Variants in WDR87 observed in about 807,000 individuals in gnomAD.
WDR87 encodes WD repeat-containing protein 87.
WDR87 carries 56 observed loss-of-function variants against 83.3 expected under a neutral mutation model. That is an observed-to-expected ratio of 0.67 (90% CI 0.54 to 0.84). WDR87 has a LOEUF of 0.84. Among genes scored for constraint, WDR87 ranks in the 40% least tolerant of loss-of-function variants. The pLI is 0.00. For missense variants in WDR87, 2,939 were observed against 3,431.9 expected, an observed-to-expected ratio of 0.86 and a Z score of 3.59; for synonymous variants, 1,173 against 1,250.6, an observed-to-expected ratio of 0.94 and a Z score of 1.31.
chr19:37,898,045 A>G, intron 2 of WDR87, 120 bp downstream of exon 2: 1 of 1,173,892 alleles, frequency 8.5e-7, no homozygotes, highest in Non-Finnish European at 1.2e-6. Context: ...GGTGGTGACT[A>G]TAGTATACCC....
chr19:37,885,910 T>A lies in WDR87; in HGVS notation c.7761A>T (p.Arg2587Ser). The A allele has an allele frequency of 1.3e-6, 2 of 1,552,300 alleles. No individual in the cohort carries two copies. Among genetic ancestry groups the A allele is most frequent in the Non-Finnish European group, 1.7e-6 (2 of 1,147,136 alleles). The change falls in exon 6 of 6, where the codon AGA becomes AGT. Residue 2587 changes from arginine (R) to serine (S), a missense_variant. Transcript: ENST00000447313. Reference sequence around the variant, plus strand: ...CAAGGTCTTTGAGCAGCTGGCACAGTCTATGGAAACCATCCCTGGAAAGCT... The same window carrying A: ...CAAGGTCTTTGAGCAGCTGGCACAGACTATGGAAACCATCCCTGGAAAGCT... Reference protein sequence around the residue: ...GEQLSRDGFHRLCQLLKDLAS... With the variant: ...GEQLSRDGFHSLCQLLKDLAS...
rs187534089 is a variant in WDR87 at position 37,901,954 on chromosome 19, G to A, written c.-46-3669C>T. ...TGGTCTCGAACTCCTGGGCTCAAGC[G>A]ATCCACCTGCCTCAGCCTCCCAAAG... On this transcript the variant is annotated intron_variant, in intron 1 of 5. Transcript: ENST00000447313. Among the ~76,000 whole-genome samples the A allele has an allele frequency of 5.3e-3, 805 of 151,944 alleles. 9 individuals carry two copies. Among genetic ancestry groups the A allele is most frequent in the African/African-American group, 0.019 (771 of 41,420 alleles).
Position 37,894,913 on chromosome 19 carries a change from C to T in WDR87, c.790G>A (p.Glu264Lys). 6.4e-7 allele frequency: 1 copy of T among 1,551,696 alleles called. No individual in the cohort carries two copies. Among genetic ancestry groups the T allele is most frequent in the Non-Finnish European group, 8.7e-7 (1 of 1,147,002 alleles). The change falls in exon 4 of 6, where the codon GAA becomes AAA. Residue 264 changes from glutamate to lysine, a missense_variant. Physicochemically the swap from Glu to Lys is moderately conservative, Grantham distance 56. Transcript: ENST00000447313. ...TGCTGGAGGCTCCAAACTTGGATTT[C>T]CCCAGCTTGGTTTCCAGCATAGAGA... ...GFLYAGNQAGEIQVWSLQQGH... is the reference protein window; with the variant it reads ...GFLYAGNQAGKIQVWSLQQGH...
chr19:37,896,264 G>A lies in WDR87; in HGVS notation c.120C>T (p.Asp40=). Residue 40 remains aspartate, a synonymous_variant, in exon 3 of 6, where the codon GAC becomes GAT. Transcript: ENST00000447313. ...DPKNCLIVLS[D]RSQVLFKESR... Reference sequence around the variant, plus strand: ...ACTCTTTGAACAGTACCTGGGACCGGTCACTCAGCACAATCAGGCAGTTCT... The same window carrying A: ...ACTCTTTGAACAGTACCTGGGACCGATCACTCAGCACAATCAGGCAGTTCT... 6.4e-7 allele frequency: 1 copy of A among 1,552,002 alleles called. No individual in the cohort carries two copies.
In WDR87 at chr19:37,885,436, C is replaced by T. The variant is rs544946317; in HGVS notation, c.8235G>A (p.Leu2745=). Residue 2745 remains leucine, a synonymous_variant, in exon 6 of 6, where the codon CTG becomes CTA. Transcript: ENST00000447313. ...DFKDKRRFPK[L]PKLEKKTQPI... ...GCTGTGTCTTCTTCTCTAACTTGGG[C>T]AGTTTAGGAAACCTGCGTTTATCCT... 2 of 1,551,700 alleles carry T rather than the reference C, an allele frequency of 1.3e-6. No individual in the cohort carries two copies. Among genetic ancestry groups the T allele is most frequent in the East Asian group, 2.4e-5 (1 of 40,926 alleles).
At position 37,895,334 on chromosome 19, in the gene WDR87, G is replaced by GACC; in HGVS notation, c.366_368dup (p.Val123dup). The GACC allele has an allele frequency of 1.3e-6, 2 of 1,551,500 alleles. No homozygotes were observed. Among genetic ancestry groups the GACC allele is most frequent in the Non-Finnish European group, 1.7e-6 (2 of 1,147,002 alleles). On this transcript the variant is annotated inframe_insertion, in exon 4 of 6. Transcript: ENST00000447313. ...GTCGCAGGATCAGGTCACCACAGTA[G>GACC]ACCACGAGGATATGAAAGGAGCCTG...
intron 1 of WDR87, among the ~76,000 whole-genome samples, chr19:37,905,813 C>CA (rs1241722802): frequency 6.6e-5 from 10 of 152,100 alleles, no homozygotes; most frequent in African/African-American, 2.4e-4. Flanking sequence ...CTCGGTGGCT[C>CA]AAAGTGCAGG....
Position 37,887,158 on chromosome 19 carries a change from C to A in WDR87, c.6513G>T (p.Leu2171=). The change falls in exon 6 of 6, where the codon CTG becomes CTT. Residue 2171 remains leucine (L), a synonymous_variant. Coordinates refer to ENST00000447313, the MANE Select transcript of WDR87 (RefSeq NM_001291088.2). ...EWDFSEKRSE[L]TKDEKKLARK... ...GAGCCAGTTTCTTCTCATCTTTAGT[C>A]AGTTCTGATCGTTTTTCAGAAAAAT... 1.3e-6 allele frequency: 2 copies of A among 1,551,428 alleles called. No individual in the cohort carries two copies. Among genetic ancestry groups the A allele is most frequent in the Non-Finnish European group, 1.7e-6 (2 of 1,147,002 alleles).
chr19:37,896,011 G>C (rs2046252636), intron 3 of WDR87, 127 bp downstream of exon 3: 1 of 1,250,362 alleles, frequency 8.0e-7, no homozygotes, highest in African/African-American at 1.5e-5. Flanking sequence ...GAAAGGATGA[G>C]GAGAGATTTC....
chr19:37,902,704 T>C (rs2046300713), intron 1 of WDR87, among the ~76,000 whole-genome samples: 1 of 152,170 alleles, frequency 6.6e-6, no homozygotes, highest in Admixed American at 6.5e-5. Context: ...CACTGTAAGG[T>C]ACAGCATTAG....
chr19:37,884,855 G>T lies in WDR87; in HGVS notation c.*77C>A. The T allele has an allele frequency of 4.3e-6, 5 of 1,170,476 alleles. No homozygotes were observed. The highest frequency in any genetic ancestry group is 4.4e-5 in the South Asian group (1 of 22,960). The allele number at this position is 1,170,476 out of a possible 1,614,324, so 72.5% of individuals were successfully genotyped here. A position where few individuals can be genotyped will look rare whatever the true frequency, so the allele number is the denominator to read the frequency against. On this transcript the variant is annotated 3_prime_UTR_variant, in exon 6 of 6. Transcript: ENST00000447313. ...AAAAAAAAAAAAAGAGAGAGAGAGAGATGAAGGTCTAGATCCTGGTAATTA... is the reference window on the plus strand; with the variant it reads ...AAAAAAAAAAAAAGAGAGAGAGAGATATGAAGGTCTAGATCCTGGTAATTA...
rs945326704 is a variant in WDR87, at chr19:37,893,549, G to A, written c.2154C>T (p.Tyr718=). 2 of 1,551,666 alleles carry A rather than the reference G, an allele frequency of 1.3e-6. No individual in the cohort carries two copies. Among genetic ancestry groups the A allele is most frequent in the African/African-American group, 1.4e-5 (1 of 73,034 alleles). Residue 718 remains tyrosine, a synonymous_variant, in exon 4 of 6, where the codon TAC becomes TAT. Transcript: ENST00000447313. ...TCTGTTGCGCTTGTCCAGGGTAGAT[G>A]TACTTGGGCACAAACATGGTCTCAA... The part of the protein sequence containing the change: ...FSFETMFVPK[Y]IYPGQAQQKL...
intron 1 of WDR87, among the ~76,000 whole-genome samples, chr19:37,899,763 T>C (rs771764109): frequency 2.0e-5 from 3 of 152,082 alleles, no homozygotes; most frequent in Non-Finnish European, 4.4e-5. Context: ...TGTTTTTTTG[T>C]TTCAATTTTT....
chr19:37,901,138 TAA>T (rs879356825), intron 1 of WDR87, among the ~76,000 whole-genome samples: 2 of 138,604 alleles, frequency 1.4e-5, no homozygotes, highest in Admixed American at 7.2e-5. Flanking sequence ...AATCCTGTCT[TAA>T]AAAAAAAAAA....
chr19:37,903,174 CA>C (rs1437093566), intron 1 of WDR87, among the ~76,000 whole-genome samples: 1 of 152,178 alleles, frequency 6.6e-6, no homozygotes, highest in Middle Eastern at 3.4e-3. Context: ...CATTTGGGCA[CA>C]GGGGTGCAGA....
chr19:37,895,326 C>G lies in WDR87; in HGVS notation c.377G>C (p.Gly126Ala). The stretch of plus-strand genomic sequence containing the variant: ...CCCAAAGAGTCGCAGGATCAGGTCA[C>G]CACAGTAGACCACGAGGATATGAAA... ...GSFHILVVYCGDLILRLFGDH... is the reference protein window; with the variant it reads ...GSFHILVVYCADLILRLFGDH... Residue 126 changes from glycine to alanine, a missense_variant, in exon 4 of 6, where the codon GGT becomes GCT. Gly to Ala is a moderately conservative substitution (Grantham distance 60). This residue lies in a region of WDR87 where 226 missense variants were observed against 320.9 expected (regional missense o/e 0.70). Coordinates refer to ENST00000447313, the MANE Select transcript of WDR87 (RefSeq NM_001291088.2). The G allele has an allele frequency of 6.4e-7, 1 of 1,551,742 alleles. No homozygotes were observed. Among genetic ancestry groups the G allele is most frequent in the Non-Finnish European group, 8.7e-7 (1 of 1,147,012 alleles).
intron 4 of WDR87, among the ~76,000 whole-genome samples, chr19:37,892,305 G>T (rs1420217080): frequency 6.6e-6 from 1 of 152,110 alleles, no homozygotes; most frequent in Non-Finnish European, 1.5e-5. Flanking sequence ...GATTGCTTGA[G>T]CCTGGGAAGC....
At position 37,889,939 on chromosome 19, in the gene WDR87, T is replaced by C. The variant is rs1020257808; in HGVS notation, c.3732A>G (p.Glu1244=). 9.0e-6 allele frequency: 14 copies of C among 1,551,710 alleles called. No individual in the cohort carries two copies. The highest frequency in any genetic ancestry group is 1.2e-5 in the Non-Finnish European group (14 of 1,146,996). Residue 1244 remains glutamate, a synonymous_variant, in exon 6 of 6, where the codon GAA becomes GAG. Coordinates refer to ENST00000447313, the MANE Select transcript of WDR87 (RefSeq NM_001291088.2). The part of the protein sequence containing the change: ...KGKEAKVINE[E]TTPPVMEQPV... ...GCTGTTCCATTACAGGAGGTGTAGTTTCCTCATTTATAACTTTGGCTTCTT... is the reference window on the plus strand; with the variant it reads ...GCTGTTCCATTACAGGAGGTGTAGTCTCCTCATTTATAACTTTGGCTTCTT...
chr19:37,886,777 CTCCTCCCTTTCCTCTTCT>C lies in WDR87; in HGVS notation c.6876_6893del (p.Glu2303_Arg2308del). On this transcript the variant is annotated inframe_deletion, in exon 6 of 6. Transcript: ENST00000447313. ...CCTCCTCCTCCTCCCTTTCCTCCTC[CTCCTCCCTTTCCTCTTCT>C]TCCTCCCTTTCCTCCTCCTCCTCAG... The C allele has an allele frequency of 3.5e-6, 5 of 1,434,800 alleles. No individual in the cohort carries two copies. The highest frequency in any genetic ancestry group is 1.8e-4 in the Middle Eastern group (1 of 5,524). The allele number at this position is 1,434,800 out of a possible 1,614,324, so 88.9% of individuals were successfully genotyped here. A position where few individuals can be genotyped will look rare whatever the true frequency, so the allele number is the denominator to read the frequency against.
Sources: gnomAD v4.1 joint callset for allele counts (sites outside exome capture counted in the v4.1 genomes callset) on GRCh38, gnomAD v4.1.1 for gene constraint, gnomAD v4.1.1 regional missense constraint, MANE v1.5 for transcripts, NCBI Gene and HGNC (gene_info 2026-07-23, HGNC 2026-07-21) for gene names.